Variants in GLIS3 observed in about 807,000 individuals in gnomAD.
GLIS3 encodes GLIS family zinc finger 3, also known as zinc finger protein GLIS3.
In GLIS3, 53 loss-of-function variants were observed where a neutral mutation model predicts 78.6. The ratio of observed to expected loss-of-function variants is 0.67; its 90% CI spans 0.54 to 0.85. The LOEUF is 0.85. Ranked by LOEUF, GLIS3 falls within the 40% of genes least tolerant of loss-of-function variation. The pLI, the probability that GLIS3 is intolerant of heterozygous loss-of-function variation, is 0.00. For missense variants in GLIS3, 1,703 were observed against 1,231.1 expected (o/e 1.38, Z -5.74); for synonymous variants, 684 against 509.9 (o/e 1.34, Z -4.60).
chr9:4,414,575 G>C, the GLIS3 span, among the ~76,000 whole-genome samples: 1 of 152,040 alleles, frequency 6.6e-6, no homozygotes, highest in East Asian at 1.9e-4. Flanking sequence ...CCTGCTTCAG[G>C]ATTGCCTGGT....
intron 2 of GLIS3, among the ~76,000 whole-genome samples, chr9:4,338,866 T>C (rs796935360): frequency 4.4e-4 from 67 of 152,302 alleles, no homozygotes; most frequent in African/African-American, 1.4e-3. Context: ...GGTATGTGCC[T>C]GAGTCTTGGG....
At chr9:4,181,225 C>G (rs1817295237) in intron 2 of GLIS3, among the ~76,000 whole-genome samples, 1 of 152,216 alleles carries the variant, frequency 6.6e-6, no homozygotes, top group African/African-American at 2.4e-5. Context: ...TTGGCCAGGC[C>G]CCACCCATCT....
At chr9:4,069,860 T>C (rs1827438983) in intron 4 of GLIS3, among the ~76,000 whole-genome samples, 1 of 151,974 alleles carries the variant, frequency 6.6e-6, no homozygotes, top group Non-Finnish European at 1.5e-5. Flanking sequence ...CTATGCCTTC[T>C]CCAGCTTGAG....
chr9:4,339,352 T>C (rs1002538311), intron 2 of GLIS3, among the ~76,000 whole-genome samples: 2 of 152,248 alleles, frequency 1.3e-5, no homozygotes, highest in African/African-American at 4.8e-5. Flanking sequence ...AGCCGATGAA[T>C]TGTGTTCATG....
chr9:3,940,805 A>C lies in GLIS3; in HGVS notation c.1711-3616T>G, dbSNP rs894091120. Among the ~76,000 whole-genome samples, 6 of 152,210 alleles carry C rather than the reference A, an allele frequency of 3.9e-5. No individual in the cohort carries two copies. In the Middle Eastern group the frequency reaches 0.01, roughly 259 times the overall value. On this transcript the variant is annotated intron_variant, in intron 4 of 10. Transcript: ENST00000381971. ...TTCCATACCAAGCTCCTTGCTAGAA[A>C]ATTTCCCCTATGTTAGTAATTGTAT...
At chr9:4,221,032 G>A (rs1821287593) in intron 2 of GLIS3, among the ~76,000 whole-genome samples, 1 of 152,000 alleles carries the variant, frequency 6.6e-6, no homozygotes, top group Non-Finnish European at 1.5e-5. Context: ...GGATCTTAGT[G>A]CAAAAAGGAA....
At chr9:4,353,211 T>C (rs868177925), upstream of GLIS3, among the ~76,000 whole-genome samples, 1 of 152,126 alleles carries the variant, frequency 6.6e-6, no homozygotes, top group Non-Finnish European at 1.5e-5. Context: ...GAGGCAAAAG[T>C]AAGCAGACTT....
chr9:4,250,925 A>T (rs981882722), intron 2 of GLIS3, among the ~76,000 whole-genome samples: 1 of 152,034 alleles, frequency 6.6e-6, no homozygotes, highest in African/African-American at 2.4e-5. Flanking sequence ...TGCGGTTTTG[A>T]GTGAGTTTCT....
intron 6 of GLIS3, among the ~76,000 whole-genome samples, chr9:3,926,987 G>A (rs1174206240): frequency 6.6e-6 from 1 of 152,178 alleles, no homozygotes. Flanking sequence ...CCTCAGAGAG[G>A]CCTTTCCTGC....
intron 4 of GLIS3, among the ~76,000 whole-genome samples, chr9:4,039,705 C>G (rs2130353092): frequency 6.6e-6 from 1 of 152,290 alleles, no homozygotes; most frequent in Admixed American, 6.5e-5. Flanking sequence ...TTTCTAAGAT[C>G]TATGTGTTTT....
At chr9:4,380,512 C>T in the GLIS3 span, among the ~76,000 whole-genome samples, 1 of 152,192 alleles carries the variant, frequency 6.6e-6, no homozygotes, top group African/African-American at 2.4e-5. Flanking sequence ...AGATTTCTAT[C>T]AGTACATCTC....
chr9:4,059,829 T>TGTGTGTGTGTGTGAGAGAGAGAGA, intron 4 of GLIS3, among the ~76,000 whole-genome samples: 1 of 100,648 alleles, frequency 9.9e-6, no homozygotes, highest in South Asian at 4.0e-4. Context: ...TGTGTGTGTG[T>TGTGTGTGTGTGTGAGAGAGAGAGA]GAGAGAGAGA....
At chr9:4,259,881 G>T (rs972546253) in intron 2 of GLIS3, among the ~76,000 whole-genome samples, 1 of 152,182 alleles carries the variant, frequency 6.6e-6, no homozygotes, top group African/African-American at 2.4e-5. Flanking sequence ...GGTGTAAAAC[G>T]GAGAAAATGT....
intron 4 of GLIS3, among the ~76,000 whole-genome samples, chr9:3,939,246 T>G (rs918673704): frequency 1.3e-5 from 2 of 152,162 alleles, no homozygotes; most frequent in African/African-American, 4.8e-5. Flanking sequence ...GAGAACTACT[T>G]TAGAATAAGA....
upstream of GLIS3, among the ~76,000 whole-genome samples, chr9:4,353,068 G>A (rs1486742940): frequency 6.6e-6 from 1 of 152,110 alleles, no homozygotes; most frequent in South Asian, 2.1e-4. Flanking sequence ...GGGGTATGGT[G>A]GCCACCTCTC....
chr9:4,039,881 G>A (rs1824654323), intron 4 of GLIS3, among the ~76,000 whole-genome samples: 1 of 152,168 alleles, frequency 6.6e-6, no homozygotes, highest in Middle Eastern at 3.2e-3. Context: ...TAGAATTTAA[G>A]TGCACAGTAT....
chr9:3,905,802 C>G (rs1425531842), intron 6 of GLIS3, among the ~76,000 whole-genome samples: 3 of 152,194 alleles, frequency 2.0e-5, no homozygotes, highest in African/African-American at 4.8e-5. Flanking sequence ...CTGATTCTGA[C>G]TTCCTTCCCT....
At chr9:3,898,920 G>GCAACT in intron 6 of GLIS3, 85 bp from the exon 7 acceptor site, 1 of 1,579,472 alleles carries the variant, frequency 6.3e-7, no homozygotes, top group Non-Finnish European at 8.7e-7. Flanking sequence ...CTCTATCAGT[G>GCAACT]CAACTCAGCC....
rs139101585 is a variant in GLIS3 at position 3,904,510 on chromosome 9, A to C, written c.1984-5675T>G. Among the ~76,000 whole-genome samples the C allele has an allele frequency of 3.7e-3, 563 of 152,228 alleles. 1 individual carries two copies. Among genetic ancestry groups the C allele is most frequent in the Middle Eastern group, 0.01 (3 of 294 alleles). On this transcript the variant is annotated intron_variant, in intron 6 of 10. Coordinates refer to ENST00000381971, the MANE Select transcript of GLIS3 (RefSeq NM_001042413.2). ...TAATATATAGATATTTATCTTGGTGAGTCTCTTTTTCTGGAGAACCCTGAC... is the reference window on the plus strand; with the variant it reads ...TAATATATAGATATTTATCTTGGTGCGTCTCTTTTTCTGGAGAACCCTGAC...
Sources: allele counts gnomAD v4.1 joint callset (sites outside exome capture counted in the v4.1 genomes callset), GRCh38; gene constraint gnomAD v4.1.1; transcripts MANE v1.5; gene names NCBI Gene and HGNC (gene_info 2026-07-23, HGNC 2026-07-21).